Variants in TIAM1 observed in about 807,000 individuals in gnomAD.
The protein encoded by TIAM1 is TIAM Rac1 associated GEF 1.
Under a neutral mutation model 163.5 loss-of-function variants are expected in TIAM1, and 65 were observed. That is an observed-to-expected ratio of 0.40 (90% CI 0.33 to 0.49). The LOEUF (loss-of-function observed/expected upper bound fraction) is 0.49. Among genes scored for constraint, TIAM1 ranks in the 20% least tolerant of loss-of-function variants. TIAM1 has a pLI of 0.77. For missense variants in TIAM1, 1,789 were observed against 2,044.7 expected (o/e 0.87, Z 2.41); for synonymous variants, 833 against 810.1 (o/e 1.03, Z -0.48).
At chr21:31,203,829 G>C (rs115416029) in intron 11 of TIAM1, among the ~76,000 whole-genome samples, 1 of 152,344 alleles carries the variant, frequency 6.6e-6, no homozygotes, top group African/African-American at 2.4e-5. Flanking sequence ...TCAGTGTGAA[G>C]ACAAGGCTTT....
chr21:31,556,558 TTGTCGTTAAGCC>T, intron 1 of TIAM1, among the ~76,000 whole-genome samples: 1 of 152,350 alleles, frequency 6.6e-6, no homozygotes, highest in Admixed American at 6.5e-5. Context: ...AATAAAATCT[TTGTCGTTAAGCC>T]TGAGATCATC....
At chr21:31,350,359 CA>C (rs1015544629) in intron 2 of TIAM1, among the ~76,000 whole-genome samples, 3 of 151,948 alleles carry the variant, frequency 2.0e-5, no homozygotes, top group Admixed American at 2.0e-4. Flanking sequence ...TTTGGGGGGC[CA>C]AAACATACTG....
At chr21:31,344,590 T>A (rs1368116931), upstream of TIAM1, among the ~76,000 whole-genome samples, 2 of 152,182 alleles carry the variant, frequency 1.3e-5, no homozygotes, top group African/African-American at 4.8e-5. Context: ...CAATGTTACA[T>A]AAGCGCCCCC....
chr21:31,295,469 C>CAAAAAAAAAA (rs1215751004), intron 2 of TIAM1, among the ~76,000 whole-genome samples: 3 of 66,012 alleles, frequency 4.5e-5, no homozygotes, highest in African/African-American at 1.6e-4. Context: ...GACTCCATCA[C>CAAAAAAAAAA]AAAAAAAAAA....
At chr21:31,353,833 A>ATATTTTT in intron 2 of TIAM1, among the ~76,000 whole-genome samples, 1 of 38,086 alleles carries the variant, frequency 2.6e-5, no homozygotes, top group African/African-American at 8.0e-5. Flanking sequence ...TTATTTATTT[A>ATATTTTT]TCTTTTTTTT....
intron 1 of TIAM1, among the ~76,000 whole-genome samples, chr21:31,515,093 G>A (rs1356384613): frequency 6.6e-6 from 1 of 152,162 alleles, no homozygotes. Context: ...AGAAACCCAA[G>A]TTTGGCCCTG....
intron 1 of TIAM1, among the ~76,000 whole-genome samples, chr21:31,521,364 C>A (rs1016778880): frequency 6.6e-6 from 1 of 152,162 alleles, no homozygotes; most frequent in Non-Finnish European, 1.5e-5. Context: ...CAGTCATTAG[C>A]TGCATGACCC....
chr21:31,515,856 C>T (rs1345360208), intron 1 of TIAM1, among the ~76,000 whole-genome samples: 1 of 152,126 alleles, frequency 6.6e-6, no homozygotes, highest in Non-Finnish European at 1.5e-5. Context: ...ACCTGTAATC[C>T]CAGAACTTTG....
intron 2 of TIAM1, among the ~76,000 whole-genome samples, chr21:31,352,545 T>TAA (rs35386667): frequency 0.014 from 1,862 of 132,460 alleles, 24 homozygotes; most frequent in African/African-American, 0.016. Flanking sequence ...TATGTAGCTT[T>TAA]AAAAAAAAAA....
intron 2 of TIAM1, among the ~76,000 whole-genome samples, chr21:31,418,849 G>A (rs1309990269): frequency 2.0e-5 from 3 of 152,176 alleles, no homozygotes; most frequent in Non-Finnish European, 4.4e-5. Context: ...GGGTGGCGAG[G>A]CCTCTTAGAA....
chr21:31,459,966 C>T (rs994123418), intron 2 of TIAM1, among the ~76,000 whole-genome samples: 5 of 152,172 alleles, frequency 3.3e-5, no homozygotes, highest in African/African-American at 4.8e-5. Flanking sequence ...GGGTGCTTTT[C>T]CTCATACTTA....
intron 2 of TIAM1, among the ~76,000 whole-genome samples, chr21:31,391,542 T>C (rs891723493): frequency 5.9e-5 from 9 of 152,094 alleles, no homozygotes; most frequent in Non-Finnish European, 1.0e-4. Flanking sequence ...GGAGAATCGC[T>C]TGAACCCAGG....
chr21:31,259,577 T>C (rs959925423), intron 4 of TIAM1, among the ~76,000 whole-genome samples: 2 of 151,604 alleles, frequency 1.3e-5, no homozygotes, highest in African/African-American at 4.9e-5. Flanking sequence ...TATCTGTAAA[T>C]AGCCACTGCA....
chr21:31,241,326 G>T (rs2071164860), intron 6 of TIAM1, among the ~76,000 whole-genome samples: 1 of 152,178 alleles, frequency 6.6e-6, no homozygotes, highest in South Asian at 2.1e-4. Context: ...CTACAGCTCG[G>T]TGAAAGCAGA....
chr21:31,480,064 C>T (rs1198815853), intron 1 of TIAM1, among the ~76,000 whole-genome samples: 6 of 152,210 alleles, frequency 3.9e-5, no homozygotes, highest in South Asian at 2.1e-4. Context: ...TGGTGCTTAA[C>T]GCCCAACACA....
intron 19 of TIAM1, among the ~76,000 whole-genome samples, chr21:31,150,137 A>G (rs1048573336): frequency 2.6e-5 from 4 of 152,170 alleles, no homozygotes; most frequent in African/African-American, 7.2e-5. Context: ...TCTCTGCACT[A>G]TTCTTGTAAC....
At chr21:31,147,093 GC>G in intron 19 of TIAM1, 90 bp from the exon 20 acceptor site, 1 of 1,047,062 alleles carries the variant, frequency 9.6e-7, no homozygotes, top group Non-Finnish European at 1.5e-6. Flanking sequence ...CATCTGCCTG[GC>G]CCACCCCACA....
intron 15 of TIAM1, among the ~76,000 whole-genome samples, chr21:31,171,241 A>G (rs2146390672): frequency 6.6e-6 from 1 of 152,322 alleles, no homozygotes; most frequent in South Asian, 2.1e-4. Context: ...GATATAAATC[A>G]GTATATGAAT....
intron 2 of TIAM1, among the ~76,000 whole-genome samples, chr21:31,417,093 G>T (rs1452640445): frequency 6.6e-6 from 1 of 152,158 alleles, no homozygotes; most frequent in Non-Finnish European, 1.5e-5. Flanking sequence ...CACAATCTCG[G>T]CTCACTGCAA....
Sources: gnomAD v4.1 joint callset for allele counts (sites outside exome capture counted in the v4.1 genomes callset) on GRCh38, gnomAD v4.1.1 for gene constraint, MANE v1.5 for transcripts, NCBI Gene and HGNC (gene_info 2026-07-23, HGNC 2026-07-21) for gene names.